The following PITPNA variants were observed in gnomAD, a reference collection of about 807,000 sequenced individuals.
PITPNA encodes phosphatidylinositol transfer protein alpha.
In PITPNA, 13 loss-of-function variants were observed where a neutral mutation model predicts 50.3. The observed-to-expected ratio is 0.26, with a 90% CI of 0.17 to 0.41. The LOEUF (loss-of-function observed/expected upper bound fraction) is 0.41, where lower values mean the gene tolerates loss of function less well. Among genes scored for constraint, PITPNA ranks in the 10% least tolerant of loss-of-function variants. The pLI, the probability that PITPNA is intolerant of heterozygous loss-of-function variation, is 1.00. For synonymous variants in PITPNA, 120 were observed against 119.6 expected (o/e 1.00, Z -0.02); for missense variants, 207 against 333.4 (o/e 0.62, Z 2.95).
In PITPNA at chr17:1,558,556, T is replaced by C; in HGVS notation, c.24A>G (p.Arg8=). 2 of 1,603,152 alleles carry C rather than the reference T, an allele frequency of 1.2e-6. No homozygotes were observed. Among genetic ancestry groups the C allele is most frequent in the Non-Finnish European group, 1.7e-6 (2 of 1,171,160 alleles). Residue 8 remains arginine (R), a synonymous_variant, in exon 2 of 12, where the codon CGA becomes CGG. Coordinates refer to ENST00000313486, the MANE Select transcript of PITPNA (RefSeq NM_006224.4). ...CATCTACAGACACAGGCAGGATTAC[T>C]CGACTATAAGAAAGGGAAAAGAGAG... MVLLKEY[R]VILPVSVDEY...
intron 10 of PITPNA, among the ~76,000 whole-genome samples, chr17:1,527,127 G>C (rs1398377647): frequency 6.6e-6 from 1 of 152,158 alleles, no homozygotes; most frequent in Non-Finnish European, 1.5e-5. Context: ...CGACATGAGA[G>C]ATTTATCTGA....
At chr17:1,529,785 T>C (rs1026633906) in intron 10 of PITPNA, among the ~76,000 whole-genome samples, 1 of 150,826 alleles carries the variant, frequency 6.6e-6, no homozygotes, top group Admixed American at 6.6e-5. Context: ...AATTGGGGAG[T>C]TGGAGGTTGC....
At chr17:1,554,580 C>G (rs2075726320) in intron 2 of PITPNA, among the ~76,000 whole-genome samples, 1 of 151,930 alleles carries the variant, frequency 6.6e-6, no homozygotes, top group African/African-American at 2.4e-5. Flanking sequence ...AAGGATGTAT[C>G]TCTAGGCAAC....
intron 10 of PITPNA, among the ~76,000 whole-genome samples, chr17:1,533,841 A>C (rs1359294374): frequency 6.6e-6 from 1 of 151,318 alleles, no homozygotes; most frequent in African/African-American, 2.4e-5. Flanking sequence ...CAGCTGTATT[A>C]CCCACTTGGC....
rs1452175842 is a variant in PITPNA, at chr17:1,535,305, C to T, written c.535-13G>A. On this transcript the variant is annotated splice_polypyrimidine_tract_variant and intron_variant, in intron 8 of 11. Coordinates refer to ENST00000313486, the MANE Select transcript of PITPNA (RefSeq NM_006224.4). ...TTACAAGCTCTTGCTGCATTAGAAA[C>T]ATACCCATGGGTACGCAAGTAACAA... is the stretch of plus-strand genomic sequence containing the variant. The T allele has an allele frequency of 6.3e-6, 10 of 1,591,140 alleles. No homozygotes were observed. The highest frequency in any genetic ancestry group is 8.6e-6 in the Non-Finnish European group (10 of 1,159,210).
chr17:1,542,886 T>C (rs2075654742), intron 5 of PITPNA, 134 bp downstream of exon 5: 3 of 651,982 alleles, frequency 4.6e-6, no homozygotes, highest in Non-Finnish European at 8.0e-6. Context: ...GTTAGTCCAC[T>C]GACAGGACTG....
chr17:1,526,160 G>A (rs1417429250), intron 10 of PITPNA, among the ~76,000 whole-genome samples: 1 of 152,338 alleles, frequency 6.6e-6, no homozygotes, highest in South Asian at 2.1e-4. Flanking sequence ...ACACAGAATA[G>A]GATAAAAAGA....
chr17:1,559,357 C>T (rs978408409), intron 1 of PITPNA, among the ~76,000 whole-genome samples: 21 of 152,210 alleles, frequency 1.4e-4, no homozygotes, highest in African/African-American at 4.6e-4. Flanking sequence ...AAGCCGTGGC[C>T]GGCAAAGTCT....
At chr17:1,541,845 T>G in intron 5 of PITPNA, 1 of 668,352 alleles carries the variant, frequency 1.5e-6, no homozygotes, top group Admixed American at 2.1e-5. Flanking sequence ...GCCTGAGAGC[T>G]CTGTAGAATC....
At chr17:1,530,758 A>C (rs2075576778) in intron 10 of PITPNA, among the ~76,000 whole-genome samples, 1 of 152,252 alleles carries the variant, frequency 6.6e-6, no homozygotes, top group African/African-American at 2.4e-5. Flanking sequence ...ACACCACAGC[A>C]GGTAAGAGCC....
chr17:1,536,980 C>G (rs1276662205), intron 7 of PITPNA, among the ~76,000 whole-genome samples: 1 of 149,506 alleles, frequency 6.7e-6, no homozygotes, highest in Non-Finnish European at 1.5e-5. Context: ...CTCAATGGAA[C>G]CTCCGCCTCC....
At chr17:1,535,317 T>C in intron 8 of PITPNA, 25 bp from the exon 9 acceptor site, 1 of 1,565,452 alleles carries the variant, frequency 6.4e-7, no homozygotes, top group Non-Finnish European at 8.8e-7. Context: ...TACCCATGGG[T>C]ACGCAAGTAA....
chr17:1,535,829 C>T (rs1249266948), intron 7 of PITPNA: 5 of 347,976 alleles, frequency 1.4e-5, no homozygotes, highest in South Asian at 6.6e-5. Context: ...GCATCCAGAT[C>T]ACCAGGGAAG....
At chr17:1,541,760 CT>C (rs1313278757) in intron 5 of PITPNA, 120 bp from the exon 6 acceptor site, 1 of 735,958 alleles carries the variant, frequency 1.4e-6, no homozygotes, top group Non-Finnish European at 2.5e-6. Flanking sequence ...CAGCCTCTGC[CT>C]TGTAATAACA....
At chr17:1,549,878 T>C (rs1033600835) in intron 3 of PITPNA, among the ~76,000 whole-genome samples, 2 of 152,052 alleles carry the variant, frequency 1.3e-5, no homozygotes, top group African/African-American at 4.8e-5. Context: ...TTTTGTCATG[T>C]AGGCCAGGCT....
intron 6 of PITPNA, among the ~76,000 whole-genome samples, chr17:1,540,577 C>T (rs553083247): frequency 1.3e-5 from 2 of 151,202 alleles, no homozygotes; most frequent in Non-Finnish European, 3.0e-5. Context: ...GTCCTACTAA[C>T]GGGCCTTTTT....
At chr17:1,543,642 T>A (rs1172942675) in intron 4 of PITPNA, among the ~76,000 whole-genome samples, 2 of 152,196 alleles carry the variant, frequency 1.3e-5, no homozygotes, top group Non-Finnish European at 2.9e-5. Flanking sequence ...TTAGGACCTA[T>A]GTCCACTTCT....
At chr17:1,534,667 C>G (rs1567578934) in intron 9 of PITPNA, among the ~76,000 whole-genome samples, 1 of 152,242 alleles carries the variant, frequency 6.6e-6, no homozygotes, top group Non-Finnish European at 1.5e-5. Context: ...ACCTGCCCAG[C>G]AGAGTAATTC....
chr17:1,534,298 C>A, intron 9 of PITPNA, 77 bp from the exon 10 acceptor site: 1 of 1,562,096 alleles, frequency 6.4e-7, no homozygotes, highest in South Asian at 1.1e-5. Flanking sequence ...ATGCACTCCA[C>A]ACGAATACCC....
Sources: gnomAD v4.1 joint callset for allele counts (sites outside exome capture counted in the v4.1 genomes callset) on GRCh38, gnomAD v4.1.1 for gene constraint, MANE v1.5 for transcripts, NCBI Gene and HGNC (gene_info 2026-07-23, HGNC 2026-07-21) for gene names.